LINGO1: variants seen among roughly 807,000 people sequenced by gnomAD.
The protein encoded by LINGO1 is leucine rich repeat and Ig domain containing 1.
LINGO1 carries 11 observed loss-of-function variants against 37.3 expected under a neutral mutation model. The observed-to-expected ratio is 0.29, with a 90% confidence interval of 0.19 to 0.49. LINGO1 has a LOEUF of 0.49. Among genes scored for constraint, LINGO1 ranks in the 20% least tolerant of loss-of-function variants. The pLI, the probability that LINGO1 is intolerant of heterozygous loss-of-function variation, is 0.99. For synonymous variants in LINGO1, 387 were observed against 403.0 expected (o/e 0.96, Z 0.48); for missense variants, 585 against 878.2 (o/e 0.67, Z 4.22).
chr15:77,817,809 C>T (rs891037353), intron 1 of LINGO1, among the ~76,000 whole-genome samples: 6 of 152,210 alleles, frequency 3.9e-5, no homozygotes, highest in African/African-American at 1.4e-4. Flanking sequence ...CTACCTCCAT[C>T]TCTGCCACAA....
At chr15:77,776,522 G>GGAAGGCAGGAAGGCAGGAAAGC (rs2076651152) in intron 1 of LINGO1, among the ~76,000 whole-genome samples, 11 of 52,484 alleles carry the variant, frequency 2.1e-4, no homozygotes, top group Admixed American at 5.6e-4. Flanking sequence ...GGCAGGAAGG[G>GGAAGGCAGGAAGGCAGGAAAGC]AGGAAGGGAG....
chr15:77,786,050 G>T (rs563476712), intron 1 of LINGO1, among the ~76,000 whole-genome samples: 1 of 152,182 alleles, frequency 6.6e-6, no homozygotes. Context: ...TGTGCATATG[G>T]GAGAAACTGA....
At chr15:77,735,626 G>A (rs1204264564) in intron 1 of LINGO1, among the ~76,000 whole-genome samples, 1 of 152,254 alleles carries the variant, frequency 6.6e-6, no homozygotes, top group Non-Finnish European at 1.5e-5. Context: ...GAGTTGCTGG[G>A]ACTTGTGCAA....
upstream of LINGO1, among the ~76,000 whole-genome samples, chr15:77,636,491 A>G (rs2074398917): frequency 6.6e-6 from 1 of 152,116 alleles, no homozygotes; most frequent in Non-Finnish European, 1.5e-5. Flanking sequence ...GGCAGCTGGC[A>G]TTGGGCATGG....
intron 1 of LINGO1, among the ~76,000 whole-genome samples, chr15:77,805,845 G>A (rs1450409969): frequency 6.6e-6 from 1 of 152,158 alleles, no homozygotes; most frequent in Non-Finnish European, 1.5e-5. Context: ...AGGACAAGAG[G>A]GCCAAGGACT....
At chr15:77,786,154 C>T (rs975342614) in intron 1 of LINGO1, among the ~76,000 whole-genome samples, 8 of 152,190 alleles carry the variant, frequency 5.3e-5, no homozygotes, top group African/African-American at 1.9e-4. Context: ...GCCCACAAAT[C>T]CAGGTTCCAC....
chr15:77,687,375 C>G (rs144156330), intron 2 of LINGO1, among the ~76,000 whole-genome samples: 39 of 152,202 alleles, frequency 2.6e-4, no homozygotes, highest in East Asian at 1.2e-3. Flanking sequence ...TCTGTCCCCC[C>G]CTGTGAAAAG....
chr15:77,785,406 C>A (rs558829363), intron 1 of LINGO1, among the ~76,000 whole-genome samples: 1 of 152,342 alleles, frequency 6.6e-6, no homozygotes, highest in East Asian at 1.9e-4. Flanking sequence ...CACTTCCCAA[C>A]TGAGGCCCTG....
At chr15:77,760,621 C>T (rs1299309448) in intron 1 of LINGO1, among the ~76,000 whole-genome samples, 1 of 152,194 alleles carries the variant, frequency 6.6e-6, no homozygotes, top group Non-Finnish European at 1.5e-5. Context: ...TGCTCATTTC[C>T]AGCCCCTTTG....
chr15:77,616,426 G>A (rs943393359), intron 1 of LINGO1, among the ~76,000 whole-genome samples: 1 of 152,204 alleles, frequency 6.6e-6, no homozygotes, highest in African/African-American at 2.4e-5. Flanking sequence ...GGCTGCTGGG[G>A]GCCCCACTCG....
intron 1 of LINGO1, among the ~76,000 whole-genome samples, chr15:77,767,778 G>C (rs138488919): frequency 6.6e-6 from 1 of 152,140 alleles, no homozygotes; most frequent in African/African-American, 2.4e-5. Context: ...ATTAACTCCA[G>C]GGAAAACCGA....
At chr15:77,819,460 T>TGTGCGCGGGAGGGTCCCG (rs2141494257) in intron 1 of LINGO1, 1 of 151,784 alleles carries the variant, frequency 6.6e-6, no homozygotes, top group South Asian at 2.1e-4. Context: ...TGCATGTGCG[T>TGTGCGCGGGAGGGTCCCG]GTGCGCGGGA....
chr15:77,734,900 G>A (rs1034482180), intron 2 of LINGO1: 1 of 152,310 alleles, frequency 6.6e-6, no homozygotes, highest in African/African-American at 2.4e-5. Flanking sequence ...GATGGGAGGG[G>A]AGAATGAGGT....
intron 1 of LINGO1, among the ~76,000 whole-genome samples, chr15:77,631,564 C>A (rs2074254661): frequency 6.6e-6 from 1 of 152,174 alleles, no homozygotes; most frequent in South Asian, 2.1e-4. Context: ...CACAGCCCAC[C>A]CCGAAAAGGG....
At chr15:77,652,169 A>T (rs980293232) in intron 3 of LINGO1, 1 of 152,152 alleles carries the variant, frequency 6.6e-6, no homozygotes, top group Non-Finnish European at 1.5e-5. Flanking sequence ...AAATCTTTTG[A>T]CTTCTCTGTG....
rs545902725 is a variant in LINGO1 at position 77,645,287 on chromosome 15, C to T, written c.-12-29387G>A. Among the ~76,000 whole-genome samples the T allele has an allele frequency of 3.3e-5, 5 of 152,266 alleles. No homozygotes were observed. The East Asian group carries it at 7.8e-4, about 24-fold the overall frequency. ...GCCAGCTTGTAGGGACTCCACACATCACAGCCCAAGACGCTGGGACAGCAG... is the reference window on the plus strand; with the variant it reads ...GCCAGCTTGTAGGGACTCCACACATTACAGCCCAAGACGCTGGGACAGCAG... On this transcript the variant is annotated intron_variant, in intron 3 of 3. Transcript: ENST00000559893.
At chr15:77,643,948 C>T (rs941269485) in intron 3 of LINGO1, among the ~76,000 whole-genome samples, 1 of 152,330 alleles carries the variant, frequency 6.6e-6, no homozygotes, top group South Asian at 2.1e-4. Context: ...AGTCCCTCCC[C>T]GCTCCGCCCT....
upstream of LINGO1, among the ~76,000 whole-genome samples, chr15:77,697,045 G>C (rs1373486238): frequency 6.6e-6 from 1 of 152,268 alleles, no homozygotes; most frequent in Non-Finnish European, 1.5e-5. Flanking sequence ...CTTGGGGCCA[G>C]GTCAGAGGAG....
chr15:77,679,694 G>T (rs957148884), intron 2 of LINGO1, among the ~76,000 whole-genome samples: 9 of 152,178 alleles, frequency 5.9e-5, no homozygotes, highest in African/African-American at 2.2e-4. Context: ...ACCTGACTAG[G>T]TCCTTGGCCA....
Sources: allele counts gnomAD v4.1 joint callset (sites outside exome capture counted in the v4.1 genomes callset), GRCh38; gene constraint gnomAD v4.1.1; transcripts MANE v1.5; gene names NCBI Gene and HGNC (gene_info 2026-07-23, HGNC 2026-07-21).